Variants in DGKE observed in about 807,000 individuals in gnomAD.
The protein encoded by DGKE is diacylglycerol kinase epsilon.
A neutral mutation model predicts 70.0 loss-of-function variants in DGKE; 53 were observed. The observed-to-expected ratio is 0.76, with a 90% confidence interval of 0.61 to 0.95. The LOEUF (loss-of-function observed/expected upper bound fraction) is 0.95, where lower values mean the gene tolerates loss of function less well. DGKE is among the 40% of genes least tolerant of loss of function. The probability of loss-of-function intolerance (pLI) is 0.00; values close to 1 mark genes in which losing one functional copy is unlikely to be tolerated. For missense variants in DGKE, 655 were observed against 706.9 expected, an observed-to-expected ratio of 0.93 and a Z score of 0.83; for synonymous variants, 291 against 257.0, an observed-to-expected ratio of 1.13 and a Z score of -1.27.
chr17:56,848,645 C>G (rs1263539941), intron 5 of DGKE, 51 bp from the exon 6 acceptor site: 1 of 1,575,756 alleles, frequency 6.3e-7, no homozygotes, highest in South Asian at 1.1e-5. Context: ...AATATTATTA[C>G]CCAGCAAATA....
chr17:56,861,001 T>G (rs1473268099), intron 9 of DGKE, among the ~76,000 whole-genome samples: 2 of 152,228 alleles, frequency 1.3e-5, no homozygotes, highest in Non-Finnish European at 2.9e-5. Context: ...ATTTTTTAAG[T>G]GTCGATCCAA....
intron 4 of DGKE, chr17:56,846,328 A>C (rs1907284730): frequency 6.6e-6 from 1 of 152,282 alleles, no homozygotes; most frequent in Non-Finnish European, 1.5e-5. Flanking sequence ...GGGACCTTAT[A>C]TTGTATGACT....
chr17:56,862,109 T>C (rs1655312612), intron 10 of DGKE, 31 bp from the exon 11 acceptor site: 2 of 1,606,146 alleles, frequency 1.2e-6, no homozygotes, highest in Middle Eastern at 1.6e-4. Flanking sequence ...TATTGCATCA[T>C]ATAATCCATA....
At chr17:56,848,214 G>A in intron 5 of DGKE, 149 bp downstream of exon 5, 1 of 433,808 alleles carries the variant, frequency 2.3e-6, no homozygotes, top group South Asian at 9.8e-5. Flanking sequence ...CTGGAGTGCA[G>A]CGGCGCAGAC....
chr17:56,862,323 C>T (rs374814035), intron 11 of DGKE, 72 bp downstream of exon 11: 2 of 1,368,858 alleles, frequency 1.5e-6, no homozygotes, highest in Admixed American at 3.7e-5. Flanking sequence ...GTAAAATATA[C>T]ATGCTATACT....
At chr17:56,844,491 A>G (rs1448637244) in intron 3 of DGKE, among the ~76,000 whole-genome samples, 2 of 152,216 alleles carry the variant, frequency 1.3e-5, no homozygotes, top group Non-Finnish European at 2.9e-5. Flanking sequence ...TTAAAAATAC[A>G]GATTTCTGAG....
At position 56,845,789 on chromosome 17, in the gene DGKE, A is replaced by G. The variant is rs1907247858; in HGVS notation, c.724A>G (p.Ile242Val). The G allele has an allele frequency of 6.2e-7, 1 of 1,607,118 alleles. No homozygotes were observed. Among genetic ancestry groups the G allele is most frequent in the Non-Finnish European group, 8.5e-7 (1 of 1,177,160 alleles). The change falls in exon 4 of 12, where the codon ATC (isoleucine) becomes GTC (valine). Residue 242 changes from isoleucine to valine, a missense_variant. Coordinates refer to ENST00000284061, the MANE Select transcript of DGKE (RefSeq NM_003647.3). The part of the protein sequence containing the change: ...MGEGLLGEFR[I>V]LLNPVQVFDV... ...AGAAGGACTGTTGGGAGAATTTAGG[A>G]TCTTGTTGAATCCAGTCCAGGTAAC...
chr17:56,853,914 T>G (rs1317631259), intron 7 of DGKE, among the ~76,000 whole-genome samples: 3 of 151,458 alleles, frequency 2.0e-5, no homozygotes, highest in Non-Finnish European at 4.4e-5. Context: ...ATAACCTAAG[T>G]GCCCATCAGT....
chr17:56,848,935 T>C lies in DGKE; in HGVS notation c.1046+82T>C, dbSNP rs1907479940. The C allele has an allele frequency of 1.0e-5, 16 of 1,568,844 alleles. 1 individual carries two copies. In the South Asian group the frequency reaches 1.7e-4, roughly 17 times the overall value. ...CAAGTGAAGACTTGTGTAGATGAAATGTGCCATGTAATTTAAATGTGAAAG... is the reference window on the plus strand; with the variant it reads ...CAAGTGAAGACTTGTGTAGATGAAACGTGCCATGTAATTTAAATGTGAAAG... On this transcript the variant is annotated intron_variant, in intron 6 of 11. Coordinates refer to ENST00000284061, the MANE Select transcript of DGKE (RefSeq NM_003647.3).
At chr17:56,855,984 C>A (rs1464875714) in intron 7 of DGKE, among the ~76,000 whole-genome samples, 1 of 136,578 alleles carries the variant, frequency 7.3e-6, no homozygotes, top group Non-Finnish European at 1.5e-5. Flanking sequence ...CCAGCCAGGG[C>A]GACAGTCCGA....
intron 2 of DGKE, 111 bp from the exon 3 acceptor site, chr17:56,843,908 G>A (rs1907137553): frequency 9.7e-7 from 1 of 1,033,096 alleles, no homozygotes; most frequent in Admixed American, 3.7e-5. Context: ...AAATGTTATG[G>A]TAAGTAGTGA....
intron 7 of DGKE, among the ~76,000 whole-genome samples, chr17:56,852,489 G>A (rs1050307025): frequency 1.3e-5 from 2 of 152,018 alleles, no homozygotes; most frequent in Admixed American, 6.6e-5. Flanking sequence ...AAGAAACTAC[G>A]GAAAGAGCTC....
intron 9 of DGKE, 21 bp from the exon 10 acceptor site, chr17:56,861,770 T>A (rs371479598): frequency 2.5e-6 from 4 of 1,609,580 alleles, no homozygotes; most frequent in Non-Finnish European, 3.4e-6. Context: ...GTAGTCACTA[T>A]CTATTTGTAT....
In DGKE at chr17:56,835,291, A is replaced by T. The variant is rs1339368059; in HGVS notation, c.464+32A>T. 5 of 1,573,304 alleles carry T rather than the reference A, an allele frequency of 3.2e-6. No homozygotes were observed. The East Asian group carries it at 1.1e-4, about 35-fold the overall frequency. ...TCTTCGTGGACACTCACTGTCCCAGAATGCGCCGTGGGAATCAGGATTTCA... is the reference window on the plus strand; with the variant it reads ...TCTTCGTGGACACTCACTGTCCCAGTATGCGCCGTGGGAATCAGGATTTCA... On this transcript the variant is annotated intron_variant, in intron 2 of 11. Transcript: ENST00000284061.
In DGKE at chr17:56,848,028, G is replaced by C. The variant is rs1337950463; in HGVS notation, c.851G>C (p.Gly284Ala). The change falls in exon 5 of 12, where the codon GGG becomes GCG. Residue 284 changes from glycine to alanine, a missense_variant. Coordinates refer to ENST00000284061, the MANE Select transcript of DGKE (RefSeq NM_003647.3). The part of the protein sequence containing the change: ...VLVCGGDGTV[G>A]WVLDAVDDMK... ...GTTTGTGGAGGGGATGGGACTGTAG[G>C]GTGGGTCCTGGATGCAGTTGATGAC... 1 of 1,595,040 alleles carries C rather than the reference G, an allele frequency of 6.3e-7. No individual in the cohort carries two copies. The highest frequency in any genetic ancestry group is 1.7e-4 in the Middle Eastern group (1 of 5,990).
In DGKE at chr17:56,862,914, G is replaced by C. The variant is rs764793945; in HGVS notation, c.*123G>C. 1.3e-6 allele frequency: 1 copy of C among 782,228 alleles called. No individual in the cohort carries two copies. Among genetic ancestry groups the C allele is most frequent in the Non-Finnish European group, 1.8e-6 (1 of 568,250 alleles). 48.5% of individuals were successfully genotyped at this position (782,228 alleles called of 1,614,324 possible). ...CTTAATTTCACTAGTAGTATAATGG[G>C]TATACATTTTTGTAAATAGCATCCC... On this transcript the variant is annotated 3_prime_UTR_variant, in exon 12 of 12. Transcript: ENST00000284061.
At chr17:56,835,464 T>G in intron 2 of DGKE, 1 of 591,012 alleles carries the variant, frequency 1.7e-6, no homozygotes, top group Non-Finnish European at 2.9e-6. Context: ...CAGCCTCCAC[T>G]CCTCAGCCAG....
chr17:56,842,809 A>T (rs573912766), intron 2 of DGKE, among the ~76,000 whole-genome samples: 4 of 152,306 alleles, frequency 2.6e-5, no homozygotes, highest in African/African-American at 9.6e-5. Flanking sequence ...CTTCAGTCAG[A>T]TCTGCCTTAT....
At chr17:56,851,478 A>G (rs1907646223) in intron 7 of DGKE, among the ~76,000 whole-genome samples, 1 of 152,198 alleles carries the variant, frequency 6.6e-6, no homozygotes, top group Admixed American at 6.5e-5. Flanking sequence ...ATAAAAATTA[A>G]CACGTACCAA....
Sources: gnomAD v4.1 joint callset for allele counts (sites outside exome capture counted in the v4.1 genomes callset) on GRCh38, gnomAD v4.1.1 for gene constraint, MANE v1.5 for transcripts, NCBI Gene and HGNC (gene_info 2026-07-23, HGNC 2026-07-21) for gene names.